The following ABLIM2 variants were observed in gnomAD, a reference collection of about 807,000 sequenced individuals.
ABLIM2 encodes the protein actin binding LIM protein family member 2.
Under a neutral mutation model 97.7 loss-of-function variants are expected in ABLIM2, and 53 were observed. The ratio of observed to expected loss-of-function variants is 0.54; its 90% CI spans 0.44 to 0.68. ABLIM2 has a LOEUF of 0.68. ABLIM2 is among the 30% of genes least tolerant of loss of function. The probability of loss-of-function intolerance (pLI) is 0.00; values close to 1 mark genes in which losing one functional copy is unlikely to be tolerated. For missense variants in ABLIM2, 835 were observed against 867.2 expected (o/e 0.96, Z 0.47); for synonymous variants, 361 against 345.8 (o/e 1.04, Z -0.49).
chr4:8,028,622 C>A (rs975688525), intron 11 of ABLIM2, among the ~76,000 whole-genome samples: 2 of 152,176 alleles, frequency 1.3e-5, no homozygotes, highest in Admixed American at 1.3e-4. Flanking sequence ...CCCTTACTTG[C>A]TCACTCATTC....
In ABLIM2 at chr4:8,149,219, C is replaced by T. The variant is rs570778576; in HGVS notation, c.10+9461G>A. On this transcript the variant is annotated intron_variant, in intron 1 of 20. Coordinates refer to ENST00000447017, the MANE Select transcript of ABLIM2 (RefSeq NM_001130083.2). This position sits in a 1 kb window ranked among gnomAD's most constrained non-coding sequence, Gnocchi z 6.4. The stretch of plus-strand genomic sequence containing the variant: ...CTCCTCTCTGCTGCCTCCTGCCTCC[C>T]GTTAGCGAGAAGCCTCAGGCCCCCT... Among the ~76,000 whole-genome samples the T allele has an allele frequency of 3.9e-4, 60 of 152,334 alleles. No individual in the cohort carries two copies. The South Asian group carries it at 9.1e-3, about 23-fold the overall frequency.
intron 20 of ABLIM2, among the ~76,000 whole-genome samples, chr4:7,975,845 A>G (rs529534755): frequency 9.8e-5 from 15 of 152,336 alleles, no homozygotes; most frequent in African/African-American, 3.6e-4. Flanking sequence ...AGTAGAGACC[A>G]TGAGCCCTTC....
intron 14 of ABLIM2, chr4:8,010,337 T>G: frequency 1.0e-6 from 1 of 980,456 alleles, no homozygotes; most frequent in Admixed American, 6.1e-5. Context: ...ACTGACCCCA[T>G]GCACTGAACA....
chr4:8,014,772 A>G (rs1391233758), intron 14 of ABLIM2, among the ~76,000 whole-genome samples: 1 of 152,180 alleles, frequency 6.6e-6, no homozygotes, highest in Non-Finnish European at 1.5e-5. Flanking sequence ...TCAGAATAAG[A>G]ACCTCTGCTC....
chr4:8,097,319 G>A, intron 2 of ABLIM2, 37 bp from the exon 3 acceptor site: 1 of 1,547,868 alleles, frequency 6.5e-7, no homozygotes, highest in Non-Finnish European at 8.7e-7. Context: ...TAGCGGCAGA[G>A]GGGACCATCT....
At position 8,094,753 on chromosome 4, in the gene ABLIM2, G is replaced by A. The variant is rs1408870580; in HGVS notation, c.338+2346C>T. ...TGGGCATAAGACAATATGAGGGGTGGTCTCCTCCCTTATTGCTACTGACTT... is the reference window on the plus strand; with the variant it reads ...TGGGCATAAGACAATATGAGGGGTGATCTCCTCCCTTATTGCTACTGACTT... On this transcript the variant is annotated intron_variant, in intron 3 of 20. Coordinates refer to ENST00000447017, the MANE Select transcript of ABLIM2 (RefSeq NM_001130083.2). 2.6e-5 allele frequency among the ~76,000 whole-genome samples: 4 copies of A among 152,156 alleles called. 1 individual carries two copies. In the South Asian group the frequency reaches 6.2e-4, roughly 24 times the overall value.
chr4:8,059,964 C>T (rs1375320494), intron 7 of ABLIM2, among the ~76,000 whole-genome samples: 2 of 151,650 alleles, frequency 1.3e-5, no homozygotes, highest in Non-Finnish European at 2.9e-5. Flanking sequence ...TGGAGATCTG[C>T]CCCTGCGTGT....
rs902303401 is a variant in ABLIM2, at chr4:8,068,846, G to T, written c.676-7792C>A. On this transcript the variant is annotated intron_variant, in intron 6 of 20. Coordinates refer to ENST00000447017, the MANE Select transcript of ABLIM2 (RefSeq NM_001130083.2). This position sits in a 1 kb window ranked among gnomAD's most constrained non-coding sequence, Gnocchi z 4.5. Reference sequence around the variant, plus strand: ...TCTGAACTTCCAGAACTGAGTCCAGGTCTTAAAAGACCTAATCACCATGAT... The same window carrying T: ...TCTGAACTTCCAGAACTGAGTCCAGTTCTTAAAAGACCTAATCACCATGAT... Among the ~76,000 whole-genome samples the T allele has an allele frequency of 6.6e-6, 1 of 152,258 alleles. No homozygotes were observed. Among genetic ancestry groups the T allele is most frequent in the Non-Finnish European group, 1.5e-5 (1 of 68,054 alleles).
intron 18 of ABLIM2, 83 bp downstream of exon 18, chr4:7,984,756 G>A (rs1404788614): frequency 2.8e-6 from 4 of 1,416,060 alleles, no homozygotes; most frequent in Non-Finnish European, 3.8e-6. Flanking sequence ...GCTGCGGATG[G>A]GGTGGTTTCA....
chr4:8,038,700 T>G (rs2151522338), intron 9 of ABLIM2, among the ~76,000 whole-genome samples: 1 of 152,278 alleles, frequency 6.6e-6, no homozygotes, highest in East Asian at 1.9e-4. Flanking sequence ...TTCTGACATC[T>G]CAGACCTCTG....
intron 20 of ABLIM2, among the ~76,000 whole-genome samples, chr4:7,973,303 C>T (rs929683434): frequency 3.3e-5 from 5 of 151,364 alleles, no homozygotes; most frequent in Admixed American, 3.3e-4. Flanking sequence ...GAGTTCGTGA[C>T]CAGCCTGGCC....
chr4:8,040,610 CAAA>C (rs58125904), intron 9 of ABLIM2, among the ~76,000 whole-genome samples: 5 of 132,418 alleles, frequency 3.8e-5, no homozygotes, highest in Non-Finnish European at 4.8e-5. Flanking sequence ...GACTCCATTT[CAAA>C]AAAAAAAAAA....
At chr4:8,143,844 C>T (rs940297855) in intron 1 of ABLIM2, among the ~76,000 whole-genome samples, 5 of 152,330 alleles carry the variant, frequency 3.3e-5, no homozygotes, top group African/African-American at 1.2e-4. Context: ...GAGGACACGG[C>T]TGCCTGTCAG....
rs183485307 is a variant in ABLIM2 at position 8,025,249 on chromosome 4, G to A, written c.1267+2510C>T. Among the ~76,000 whole-genome samples the A allele has an allele frequency of 2.5e-3, 374 of 152,320 alleles. 2 individuals are homozygous for A. The highest frequency in any genetic ancestry group is 8.6e-3 in the African/African-American group (358 of 41,560). The stretch of plus-strand genomic sequence containing the variant: ...GGCCTCATGTGATTTCTGAACGAAG[G>A]GCACTGGCAGGCAATGTGGCCGGGG... On this transcript the variant is annotated intron_variant, in intron 12 of 20. Coordinates refer to ENST00000447017, the MANE Select transcript of ABLIM2 (RefSeq NM_001130083.2).
rs886169077 is a variant in ABLIM2, at chr4:7,992,186, G to A, written c.1680+680C>T. On this transcript the variant is annotated intron_variant, in intron 17 of 20. Coordinates refer to ENST00000447017, the MANE Select transcript of ABLIM2 (RefSeq NM_001130083.2). This position sits in a 1 kb window ranked among gnomAD's most constrained non-coding sequence, Gnocchi z 5.7. ...GTGGGCAGAGGAACAAACATAAGCC[G>A]CTCTTCCTAAGGCGTTCACTGTCCT... Among the ~76,000 whole-genome samples the A allele has an allele frequency of 6.6e-5, 10 of 152,040 alleles. No homozygotes were observed. The highest frequency in any genetic ancestry group is 3.2e-3 in the Middle Eastern group (1 of 316).
intron 9 of ABLIM2, among the ~76,000 whole-genome samples, chr4:8,042,754 G>A (rs1308251086): frequency 2.0e-5 from 3 of 148,868 alleles, no homozygotes; most frequent in East Asian, 1.9e-4. Flanking sequence ...CAGGAGAATC[G>A]CTTGAACCCA....
Position 8,032,819 on chromosome 4 carries a change from C to T in ABLIM2, c.1048-3043G>A, listed in dbSNP as rs1297605537. On this transcript the variant is annotated intron_variant, in intron 10 of 20. Transcript: ENST00000447017. The surrounding 1 kb of genome is among the most constrained non-coding windows in gnomAD (Gnocchi z 4.3). ...TCCTCCAGACAGGAAAAGAACTCTACCCCGAGAGACACAAGTCAGGGTTCC... is the reference window on the plus strand; with the variant it reads ...TCCTCCAGACAGGAAAAGAACTCTATCCCGAGAGACACAAGTCAGGGTTCC... 1 of 835,502 alleles carries T rather than the reference C, an allele frequency of 1.2e-6. No homozygotes were observed. Among genetic ancestry groups the T allele is most frequent in the Non-Finnish European group, 2.0e-6 (1 of 510,850 alleles). 51.8% of individuals were successfully genotyped at this position (835,502 alleles called of 1,614,324 possible).
chr4:8,045,331 C>A, intron 8 of ABLIM2, 90 bp from the exon 9 acceptor site: 1 of 1,155,590 alleles, frequency 8.7e-7, no homozygotes, highest in Middle Eastern at 2.0e-4. Context: ...CCAGCAGCCA[C>A]GCCAGCGCAC....
intron 1 of ABLIM2, among the ~76,000 whole-genome samples, chr4:8,115,304 A>G (rs1348877117): frequency 1.3e-5 from 2 of 152,088 alleles, no homozygotes; most frequent in African/African-American, 4.8e-5. Flanking sequence ...CTTTCTGTCC[A>G]GCGAACCAGC....
Sources: allele counts gnomAD v4.1 joint callset (sites outside exome capture counted in the v4.1 genomes callset), GRCh38; gene constraint gnomAD v4.1.1; non-coding constraint Gnocchi (gnomAD v3.1); transcripts MANE v1.5; gene names NCBI Gene and HGNC (gene_info 2026-07-23, HGNC 2026-07-21).